Variants in TBC1D31 observed in about 807,000 individuals in gnomAD.
TBC1D31 encodes the protein WD repeat domain 67.
Under a neutral mutation model 132.9 loss-of-function variants are expected in TBC1D31, and 99 were observed. That is an observed-to-expected ratio of 0.74 (90% confidence interval 0.63 to 0.88). TBC1D31 has a LOEUF of 0.88. Among genes scored for constraint, TBC1D31 ranks in the 40% least tolerant of loss-of-function variants. The pLI is 0.00. For missense variants in TBC1D31, 1,134 were observed against 1,256.6 expected, an observed-to-expected ratio of 0.90 and a Z score of 1.48; for synonymous variants, 385 against 419.4, an observed-to-expected ratio of 0.92 and a Z score of 1.00.
intron 1 of TBC1D31, among the ~76,000 whole-genome samples, chr8:123,076,679 A>G (rs1814545851): frequency 6.6e-6 from 1 of 152,190 alleles, no homozygotes; most frequent in African/African-American, 2.4e-5. Context: ...AAACTCATGC[A>G]CGCGTAATTC....
At chr8:123,139,118 GT>G (rs35012698) in intron 17 of TBC1D31, among the ~76,000 whole-genome samples, 124 of 139,400 alleles carry the variant, frequency 8.9e-4, no homozygotes, top group Non-Finnish European at 1.5e-3. Context: ...CATATTTCTT[GT>G]TTTTTTTTTT....
intron 16 of TBC1D31, among the ~76,000 whole-genome samples, chr8:123,132,712 A>G (rs1368450981): frequency 6.6e-6 from 1 of 152,170 alleles, no homozygotes; most frequent in East Asian, 1.9e-4. Flanking sequence ...TAAGTCTTTC[A>G]AAGTATTTTT....
At chr8:123,087,924 T>C (rs1176402433) in intron 4 of TBC1D31, among the ~76,000 whole-genome samples, 2 of 152,274 alleles carry the variant, frequency 1.3e-5, no homozygotes, top group African/African-American at 4.8e-5. Context: ...GGCTTACGCC[T>C]GTAATCTCAG....
rs117677720 is a variant in TBC1D31 at position 123,102,171 on chromosome 8, C to T, written c.1032+1164C>T. ...CCAGTCATATTGTCCGTGTGTCTTCCAGTCTGAAATTGCACCTTGGTAGCT... is the reference window on the plus strand; with the variant it reads ...CCAGTCATATTGTCCGTGTGTCTTCTAGTCTGAAATTGCACCTTGGTAGCT... On this transcript the variant is annotated intron_variant, in intron 7 of 21. Transcript: ENST00000287380. The T allele has an allele frequency of 1.4e-4, 62 of 453,720 alleles. No homozygotes were observed. In the East Asian group the frequency reaches 4.2e-3, roughly 31 times the overall value. The allele number at this position is 453,720 out of a possible 1,614,324, so 28.1% of individuals were successfully genotyped here.
At chr8:123,125,522 A>G (rs1017112418) in intron 11 of TBC1D31, among the ~76,000 whole-genome samples, 5 of 152,236 alleles carry the variant, frequency 3.3e-5, no homozygotes, top group African/African-American at 1.2e-4. Context: ...TCTTTTCCTC[A>G]GAATGAGGAC....
intron 17 of TBC1D31, among the ~76,000 whole-genome samples, chr8:123,139,005 A>C (rs1821356172): frequency 6.6e-6 from 1 of 151,936 alleles, no homozygotes; most frequent in African/African-American, 2.4e-5. Context: ...AGAGGGTTTT[A>C]CTATGTTGCT....
At chr8:123,073,324 A>G in intron 1 of TBC1D31, 8 of 456,940 alleles carry the variant, frequency 1.8e-5, no homozygotes, top group Non-Finnish European at 3.1e-5. Context: ...ACAAGCATTC[A>G]TCAACTATTT....
intron 4 of TBC1D31, among the ~76,000 whole-genome samples, 158 bp from the exon 5 acceptor site, chr8:123,093,433 A>G (rs1350731194): frequency 6.6e-6 from 1 of 151,966 alleles, no homozygotes; most frequent in Non-Finnish European, 1.5e-5. Context: ...AATTTATGAA[A>G]TAATCAGTAT....
chr8:123,123,851 G>C (rs1819737138), intron 11 of TBC1D31, among the ~76,000 whole-genome samples: 1 of 152,074 alleles, frequency 6.6e-6, no homozygotes, highest in Admixed American at 6.5e-5. Flanking sequence ...GAATGTCTTT[G>C]GATAGTCTTG....
intron 4 of TBC1D31, among the ~76,000 whole-genome samples, chr8:123,088,520 C>A (rs1586577256): frequency 6.6e-6 from 1 of 152,122 alleles, no homozygotes; most frequent in East Asian, 1.9e-4. Context: ...ATAACTGTAA[C>A]CTTAATATTA....
intron 2 of TBC1D31, among the ~76,000 whole-genome samples, chr8:123,079,068 C>T (rs1172989220): frequency 2.0e-5 from 3 of 152,030 alleles, no homozygotes; most frequent in African/African-American, 7.3e-5. Context: ...GATCATCACA[C>T]AAAGCTAAAT....
At chr8:123,132,211 G>A (rs1820693763) in intron 16 of TBC1D31, among the ~76,000 whole-genome samples, 1 of 151,962 alleles carries the variant, frequency 6.6e-6, no homozygotes, top group African/African-American at 2.4e-5. Flanking sequence ...TCACTCATTA[G>A]TCTTCCTTTT....
In TBC1D31 at chr8:123,128,369, A is replaced by T; in HGVS notation, c.1973A>T (p.His658Leu). 1 of 1,613,572 alleles carries T rather than the reference A, an allele frequency of 6.2e-7. No homozygotes were observed. Among genetic ancestry groups the T allele is most frequent in the Non-Finnish European group, 8.5e-7 (1 of 1,179,530 alleles). The change falls in exon 14 of 22, where the codon CAT (histidine) becomes CTT (leucine). Residue 658 changes from histidine to leucine, a missense_variant. Transcript: ENST00000287380. ...HLMETTPTDI[H>L]PDSMLNVFVA... ...ATGGAGACCACGCCTACTGACATTC[A>T]TCCAGACAGCATGCTTAATGTTTTT...
At chr8:123,098,332 A>T (rs1357308914) in intron 6 of TBC1D31, among the ~76,000 whole-genome samples, 1 of 152,070 alleles carries the variant, frequency 6.6e-6, no homozygotes, top group African/African-American at 2.4e-5. Context: ...GATGGAGTCT[A>T]GCTCTGTCTC....
intron 11 of TBC1D31, 141 bp downstream of exon 11, chr8:123,120,329 A>T: frequency 1.4e-6 from 1 of 689,680 alleles, no homozygotes; most frequent in Non-Finnish European, 2.3e-6. Context: ...AAGGTATCAA[A>T]CATAAAATAG....
downstream of TBC1D31, among the ~76,000 whole-genome samples, chr8:123,156,215 C>T (rs1039801269): frequency 1.3e-5 from 2 of 152,002 alleles, no homozygotes; most frequent in African/African-American, 4.8e-5. Flanking sequence ...CCGAGGTGGG[C>T]GGATCACCTG....
chr8:123,096,888 T>G (rs1816889099), intron 5 of TBC1D31, among the ~76,000 whole-genome samples: 1 of 152,208 alleles, frequency 6.6e-6, no homozygotes, highest in Non-Finnish European at 1.5e-5. Context: ...ACCAATTCTA[T>G]ATAGCTGTAC....
At position 123,077,233 on chromosome 8, in the gene TBC1D31, A is replaced by G; in HGVS notation, c.200A>G (p.Tyr67Cys). Residue 67 changes from tyrosine to cysteine, a missense_variant, in exon 2 of 22, where the codon TAT becomes TGT. Coordinates refer to ENST00000287380, the MANE Select transcript of TBC1D31 (RefSeq NM_145647.4). ...GCTGGGGACCACCAAGGAAATATTT[A>G]TGTTTTTGACTTACATGGAAACAGG... ...LIAGDHQGNI[Y>C]VFDLHGNRFN... 6.2e-7 allele frequency: 1 copy of G among 1,612,014 alleles called. No individual in the cohort carries two copies.
At chr8:123,156,938 C>T (rs1283125038), downstream of TBC1D31, among the ~76,000 whole-genome samples, 1 of 152,182 alleles carries the variant, frequency 6.6e-6, no homozygotes, top group African/African-American at 2.4e-5. Flanking sequence ...CAGAGCTGTG[C>T]GCGACACCCC....
Sources: allele counts gnomAD v4.1 joint callset (sites outside exome capture counted in the v4.1 genomes callset), GRCh38; gene constraint gnomAD v4.1.1; transcripts MANE v1.5; gene names NCBI Gene and HGNC (gene_info 2026-07-23, HGNC 2026-07-21).